The following PVT1 variants were observed in gnomAD, a reference collection of about 807,000 sequenced individuals.
PVT1 encodes the protein Pvt1 oncogene, also known as CXCR4/PVT1 fusion.
At chr8:127,917,510 T>G (rs1183939600) in intron 3 of PVT1, among the ~76,000 whole-genome samples, 1 of 152,202 alleles carries the variant, frequency 6.6e-6, no homozygotes, top group East Asian at 1.9e-4. Flanking sequence ...AGGGGAACCA[T>G]ATCAGTGACC....
At chr8:128,089,599 C>G (rs1012927115) in intron 5 of PVT1, among the ~76,000 whole-genome samples, 1 of 152,166 alleles carries the variant, frequency 6.6e-6, no homozygotes, top group African/African-American at 2.4e-5. Context: ...ATTGCCCCTG[C>G]CCTTCTGGAA....
At chr8:127,952,716 C>G in intron 3 of PVT1, among the ~76,000 whole-genome samples, 1 of 152,034 alleles carries the variant, frequency 6.6e-6, no homozygotes, top group East Asian at 1.9e-4. Context: ...GGGAGCTCAG[C>G]AAGGTCTCAT....
At chr8:127,930,285 T>C (rs1407269302) in intron 3 of PVT1, among the ~76,000 whole-genome samples, 1 of 152,134 alleles carries the variant, frequency 6.6e-6, no homozygotes, top group Admixed American at 6.5e-5. Context: ...GCCTCCCAAT[T>C]AGCTGGGATT....
At chr8:127,897,320 G>C (rs1815691723) in intron 3 of PVT1, among the ~76,000 whole-genome samples, 1 of 152,168 alleles carries the variant, frequency 6.6e-6, no homozygotes, top group African/African-American at 2.4e-5. Flanking sequence ...AGAGACATAG[G>C]AAGCAGCCAG....
intron 3 of PVT1, among the ~76,000 whole-genome samples, chr8:127,981,765 A>T (rs932251128): frequency 6.6e-6 from 1 of 152,098 alleles, no homozygotes; most frequent in Non-Finnish European, 1.5e-5. Flanking sequence ...CCACACCCCC[A>T]CTGCATCCTC....
chr8:127,922,418 A>G (rs1186423434), intron 3 of PVT1, among the ~76,000 whole-genome samples: 2 of 152,116 alleles, frequency 1.3e-5, no homozygotes, highest in African/African-American at 4.8e-5. Flanking sequence ...CATATGCTAC[A>G]TTAAATATCT....
chr8:127,878,975 C>T (rs906974923), intron 2 of PVT1, among the ~76,000 whole-genome samples: 1 of 152,300 alleles, frequency 6.6e-6, no homozygotes, highest in Admixed American at 6.5e-5. Flanking sequence ...TGACAGGGAG[C>T]CAGTCTGGAG....
chr8:128,042,315 AT>A (rs1813554920), intron 4 of PVT1, among the ~76,000 whole-genome samples: 1 of 152,160 alleles, frequency 6.6e-6, no homozygotes, highest in Non-Finnish European at 1.5e-5. Context: ...GGGACAATTG[AT>A]TTTTAGAGAA....
intron 2 of PVT1, among the ~76,000 whole-genome samples, chr8:127,820,049 G>A (rs533243142): frequency 1.3e-4 from 20 of 152,274 alleles, no homozygotes; most frequent in East Asian, 9.7e-4. Context: ...AGATGCTCCC[G>A]TGGGACTTGC....
At chr8:127,913,935 C>T (rs1023946648) in intron 3 of PVT1, among the ~76,000 whole-genome samples, 4 of 152,110 alleles carry the variant, frequency 2.6e-5, no homozygotes, top group African/African-American at 9.7e-5. Context: ...TCCAGGCCCA[C>T]ATGCAGAATC....
At chr8:127,899,901 C>T (rs1815737488) in intron 3 of PVT1, among the ~76,000 whole-genome samples, 1 of 152,098 alleles carries the variant, frequency 6.6e-6, no homozygotes, top group Admixed American at 6.6e-5. Context: ...GAATATCTAG[C>T]TCTGAAACAC....
In PVT1 at chr8:128,069,540, C is replaced by T. The variant is rs371983347; in HGVS notation, n.913-620C>T. On this transcript the variant is annotated intron_variant and non_coding_transcript_variant, in intron 4 of 10. Coordinates refer to ENST00000651587, the Ensembl canonical transcript of PVT1. ...TCATGGTCATGTGTCATTTCATCTG[C>T]ACCATAATCGTGCTGGGTGGGTAAC... Among the ~76,000 whole-genome samples the T allele has an allele frequency of 1.0e-3, 157 of 152,268 alleles. 5 individuals carry two copies. In the South Asian group the frequency reaches 0.032, roughly 31 times the overall value.
chr8:127,923,261 C>A (rs1816087257), intron 3 of PVT1, among the ~76,000 whole-genome samples: 1 of 152,234 alleles, frequency 6.6e-6, no homozygotes, highest in African/African-American at 2.4e-5. Context: ...TTAGTTAATG[C>A]TCACAAGCAA....
intron 3 of PVT1, among the ~76,000 whole-genome samples, chr8:127,960,070 T>C (rs902628976): frequency 6.6e-6 from 1 of 152,210 alleles, no homozygotes; most frequent in African/African-American, 2.4e-5. Flanking sequence ...TGACATGATT[T>C]CTGGAAATTT....
chr8:128,073,410 G>C (rs754964480), intron 5 of PVT1, among the ~76,000 whole-genome samples: 1 of 151,900 alleles, frequency 6.6e-6, no homozygotes, highest in South Asian at 2.1e-4. Flanking sequence ...CAGGTCACCC[G>C]ATATAGAATC....
intron 4 of PVT1, among the ~76,000 whole-genome samples, chr8:128,020,977 A>G (rs1264323775): frequency 6.6e-6 from 1 of 152,062 alleles, no homozygotes; most frequent in Non-Finnish European, 1.5e-5. Context: ...CCACCTGCCT[A>G]TAGTCACCGC....
At chr8:127,879,389 C>A (rs28558357) in intron 2 of PVT1, among the ~76,000 whole-genome samples, 5 of 152,042 alleles carry the variant, frequency 3.3e-5, no homozygotes, top group Admixed American at 6.6e-5. Flanking sequence ...ATTAGCCGGG[C>A]GTGGTGGCAG....
At chr8:127,810,191 T>C (rs980080711) in intron 2 of PVT1, among the ~76,000 whole-genome samples, 2 of 152,226 alleles carry the variant, frequency 1.3e-5, no homozygotes, top group Non-Finnish European at 2.9e-5. Context: ...AGCCCTCTTC[T>C]TTCCTCTCCC....
intron 2 of PVT1, among the ~76,000 whole-genome samples, chr8:127,865,885 G>A (rs530167725): frequency 2.0e-5 from 3 of 152,302 alleles, no homozygotes; most frequent in South Asian, 2.1e-4. Context: ...GTGTGGCACC[G>A]GCAGGCAAAC....
Sources: gnomAD v4.1 joint callset for allele counts (sites outside exome capture counted in the v4.1 genomes callset) on GRCh38, gnomAD v4.1.1 for gene constraint, MANE v1.5 for transcripts, NCBI Gene and HGNC (gene_info 2026-07-23, HGNC 2026-07-21) for gene names.